The following ASAP1 variants were observed in gnomAD, a reference collection of about 807,000 sequenced individuals.
The protein encoded by ASAP1 is ArfGAP with SH3 domain, ankyrin repeat and PH domain 1, also known as arf-GAP with SH3 domain, ANK repeat and PH domain-containing protein 1.
In ASAP1, 43 loss-of-function variants were observed where a neutral mutation model predicts 145.2. The ratio of observed to expected loss-of-function variants is 0.30; its 90% CI spans 0.23 to 0.38. The LOEUF is 0.38. ASAP1 is among the 10% of genes least tolerant of loss of function. The pLI, the probability that ASAP1 is intolerant of heterozygous loss-of-function variation, is 1.00. For synonymous variants in ASAP1, 546 were observed against 515.5 expected, an observed-to-expected ratio of 1.06 and a Z score of -0.80; for missense variants, 1,018 against 1,355.3, an observed-to-expected ratio of 0.75 and a Z score of 3.91.
At chr8:130,308,398 A>AT (rs1823122534) in intron 3 of ASAP1, among the ~76,000 whole-genome samples, 1 of 152,232 alleles carries the variant, frequency 6.6e-6, no homozygotes, top group East Asian at 1.9e-4. Flanking sequence ...CAAGTTGTAC[A>AT]TTTTTTATTC....
chr8:130,379,610 G>T (rs1827671343), intron 2 of ASAP1, among the ~76,000 whole-genome samples: 1 of 152,140 alleles, frequency 6.6e-6, no homozygotes, highest in African/African-American at 2.4e-5. Flanking sequence ...ATGTAGTTCG[G>T]GTAGGAAAAT....
At chr8:130,314,454 G>T (rs1343578813) in intron 3 of ASAP1, among the ~76,000 whole-genome samples, 1 of 152,206 alleles carries the variant, frequency 6.6e-6, no homozygotes, top group Non-Finnish European at 1.5e-5. Context: ...ACTGAGGTTT[G>T]CAGAGGTAAC....
intron 2 of ASAP1, among the ~76,000 whole-genome samples, chr8:130,383,338 G>A (rs886443530): frequency 2.0e-5 from 3 of 152,084 alleles, no homozygotes; most frequent in Non-Finnish European, 2.9e-5. Context: ...ACTTTTTGTC[G>A]AAAATAAATT....
chr8:130,165,669 C>T (rs2136062038), intron 11 of ASAP1, among the ~76,000 whole-genome samples: 1 of 152,318 alleles, frequency 6.6e-6, no homozygotes, highest in Middle Eastern at 3.4e-3. Context: ...ACAGATGTTC[C>T]TGGCCACTCT....
At chr8:130,166,599 T>C (rs1036871092) in intron 11 of ASAP1, among the ~76,000 whole-genome samples, 71 of 152,238 alleles carry the variant, frequency 4.7e-4, no homozygotes, top group African/African-American at 1.6e-3. Context: ...TCTCTAATAG[T>C]ATCCATACCA....
chr8:130,406,666 A>G (rs1213798181), intron 1 of ASAP1, among the ~76,000 whole-genome samples: 1 of 151,870 alleles, frequency 6.6e-6, no homozygotes, highest in Non-Finnish European at 1.5e-5. Context: ...TATTTTTAGT[A>G]GTGATGGGGT....
intron 3 of ASAP1, among the ~76,000 whole-genome samples, chr8:130,261,335 T>C (rs149670451): frequency 1.3e-5 from 2 of 152,376 alleles, no homozygotes; most frequent in Non-Finnish European, 2.9e-5. Context: ...GCCTCCATCA[T>C]GGAATCTTCC....
In ASAP1 at chr8:130,358,222, G is replaced by T; in HGVS notation, c.60-79C>A. ...CTCCCGGGGCCGCGGGCCGCCCGGA[G>T]GCTCATGAACCCCGGCGCGCAGCCC... On this transcript the variant is annotated intron_variant, in intron 2 of 29. Coordinates refer to ENST00000518721, the MANE Select transcript of ASAP1 (RefSeq NM_018482.4). The surrounding 1 kb of genome is among the most constrained non-coding windows in gnomAD (Gnocchi z 4.1). The T allele has an allele frequency of 2.3e-6, 3 of 1,330,868 alleles. No individual in the cohort carries two copies. Among genetic ancestry groups the T allele is most frequent in the Non-Finnish European group, 3.0e-6 (3 of 1,004,386 alleles). The allele number at this position is 1,330,868 out of a possible 1,614,324, so 82.4% of individuals were successfully genotyped here. A position where few individuals can be genotyped will look rare whatever the true frequency, so the allele number is the denominator to read the frequency against.
At chr8:130,277,537 A>C (rs1820986342) in intron 3 of ASAP1, among the ~76,000 whole-genome samples, 1 of 152,244 alleles carries the variant, frequency 6.6e-6, no homozygotes, top group Non-Finnish European at 1.5e-5. Context: ...CAAACATTGA[A>C]AACTCCTAAA....
At chr8:130,440,083 C>T (rs1830440344) in intron 1 of ASAP1, among the ~76,000 whole-genome samples, 1 of 152,184 alleles carries the variant, frequency 6.6e-6, no homozygotes, top group Non-Finnish European at 1.5e-5. Context: ...ATCACCAGAT[C>T]TCATCAATGC....
intron 1 of ASAP1, among the ~76,000 whole-genome samples, chr8:130,420,265 C>G (rs1344568822): frequency 6.8e-6 from 1 of 146,612 alleles, no homozygotes; most frequent in East Asian, 1.9e-4. Flanking sequence ...CACACACACA[C>G]ACACACACAC....
intron 27 of ASAP1, among the ~76,000 whole-genome samples, chr8:130,075,405 G>A (rs762955119): frequency 6.6e-6 from 1 of 152,152 alleles, no homozygotes; most frequent in Admixed American, 6.5e-5. Flanking sequence ...AGAGAGTGGT[G>A]AATTTCAGCT....
At position 130,205,591 on chromosome 8, in the gene ASAP1, C is replaced by CTTTTTTTTT. The variant is rs10679649; in HGVS notation, c.405+8956_405+8964dup. Among the ~76,000 whole-genome samples the CTTTTTTTTT allele has an allele frequency of 1.7e-5, 2 of 119,254 alleles. 1 individual carries two copies. Among genetic ancestry groups the CTTTTTTTTT allele is most frequent in the Non-Finnish European group, 3.4e-5 (2 of 59,052 alleles). 78.2% of individuals were successfully genotyped at this position (119,254 alleles called of 152,430 possible). Reference sequence around the variant, plus strand: ...GCATATATATATATAAAATACACGGCTTTTTTTTTTTTTTTTTTAGCTTAA... The same window carrying CTTTTTTTTT: ...GCATATATATATATAAAATACACGGCTTTTTTTTTTTTTTTTTTTTTTTTTTTAGCTTAA... On this transcript the variant is annotated intron_variant, in intron 5 of 29. Transcript: ENST00000518721.
intron 13 of ASAP1, among the ~76,000 whole-genome samples, chr8:130,150,371 A>G (rs2135939596): frequency 6.6e-6 from 1 of 152,358 alleles, no homozygotes; most frequent in Non-Finnish European, 1.5e-5. Flanking sequence ...CCAAGGTCAT[A>G]TAACCACTAA....
chr8:130,262,459 C>T (rs1819994557), intron 3 of ASAP1, among the ~76,000 whole-genome samples: 1 of 107,512 alleles, frequency 9.3e-6, no homozygotes, highest in Non-Finnish European at 1.9e-5. Flanking sequence ...AGAGAGAGAA[C>T]CTGTGGAATT....
intron 24 of ASAP1, 125 bp from the exon 25 acceptor site, chr8:130,092,268 T>A (rs950642178): frequency 6.0e-6 from 6 of 1,000,152 alleles, no homozygotes; most frequent in African/African-American, 1.7e-5. Flanking sequence ...AGCAAAAGGC[T>A]GGATATGGCT....
At chr8:130,266,799 T>C (rs532332976) in intron 3 of ASAP1, among the ~76,000 whole-genome samples, 40 of 152,120 alleles carry the variant, frequency 2.6e-4, no homozygotes, top group Admixed American at 1.0e-3. Context: ...CTATGAACGA[T>C]AGACAGATAT....
chr8:130,436,958 A>C, intron 1 of ASAP1, among the ~76,000 whole-genome samples: 1 of 152,082 alleles, frequency 6.6e-6, no homozygotes, highest in East Asian at 1.9e-4. Context: ...TACAAAAATT[A>C]GCCAGGCGTG....
chr8:130,345,387 C>T (rs1450476575), intron 3 of ASAP1, among the ~76,000 whole-genome samples: 2 of 152,120 alleles, frequency 1.3e-5, no homozygotes, highest in African/African-American at 4.8e-5. Flanking sequence ...CCCGTCAACT[C>T]GAAAGAAACA....
Sources: gnomAD v4.1 joint callset for allele counts (sites outside exome capture counted in the v4.1 genomes callset) on GRCh38, gnomAD v4.1.1 for gene constraint, Gnocchi (gnomAD v3.1) non-coding constraint, MANE v1.5 for transcripts, NCBI Gene and HGNC (gene_info 2026-07-23, HGNC 2026-07-21) for gene names.